Variants in ZBTB17 observed in about 807,000 individuals in gnomAD.
ZBTB17 encodes zinc finger and BTB domain containing 17.
In ZBTB17, 24 loss-of-function variants were observed where a neutral mutation model predicts 85.1. The observed-to-expected ratio is 0.28, with a 90% CI of 0.20 to 0.40. The LOEUF (loss-of-function observed/expected upper bound fraction) is 0.40. Ranked by LOEUF, ZBTB17 falls within the 10% of genes least tolerant of loss-of-function variation. ZBTB17 has a pLI of 1.00. For missense variants in ZBTB17, 743 were observed against 1,105.1 expected (o/e 0.67, Z 4.65); for synonymous variants, 464 against 460.2 (o/e 1.01, Z -0.11).
intron 2 of ZBTB17, among the ~76,000 whole-genome samples, chr1:15,959,499 A>AGAGGGAGGAGAGGGAGGGAGGGAGG (rs2072171199): frequency 8.2e-6 from 1 of 122,412 alleles, no homozygotes; most frequent in African/African-American, 2.9e-5. Context: ...AAGGGAAGGA[A>AGAGGGAGGAGAGGGAGGGAGGGAGG]GAGGGAGGAG....
In ZBTB17 at chr1:15,941,877, T is replaced by TAATCCA; in HGVS notation, c.*86_*91dup. 6.8e-7 allele frequency: 1 copy of TAATCCA among 1,476,706 alleles called. No homozygotes were observed. The highest frequency in any genetic ancestry group is 9.0e-7 in the Non-Finnish European group (1 of 1,106,758). The allele number at this position is 1,476,706 out of a possible 1,614,324, so 91.5% of individuals were successfully genotyped here. Reference sequence around the variant, plus strand: ...GGGACCTATAGGCAGCATTAGAAAATAATCCAATTTATTCTCTCTAGGGAA... The same window carrying TAATCCA: ...GGGACCTATAGGCAGCATTAGAAAATAATCCAAATCCAATTTATTCTCTCTAGGGAA... On this transcript the variant is annotated 3_prime_UTR_variant, in exon 16 of 16. Transcript: ENST00000375743.
intron 2 of ZBTB17, among the ~76,000 whole-genome samples, chr1:15,955,230 T>C (rs1414100361): frequency 6.6e-6 from 1 of 152,112 alleles, no homozygotes; most frequent in African/African-American, 2.4e-5. Flanking sequence ...CTTGTGAGCA[T>C]GAAACCTACC....
chr1:15,948,187 C>T, intron 3 of ZBTB17, 104 bp downstream of exon 3: 1 of 1,385,670 alleles, frequency 7.2e-7, no homozygotes, highest in Non-Finnish European at 1.0e-6. Context: ...AGGCCTGTTG[C>T]ATCCCACAGC....
intron 4 of ZBTB17, among the ~76,000 whole-genome samples, 175 bp from the exon 5 acceptor site, chr1:15,946,469 G>C (rs2071616843): frequency 6.6e-6 from 1 of 152,240 alleles, no homozygotes; most frequent in Admixed American, 6.5e-5. Flanking sequence ...TCCATGCCAG[G>C]CTGATGGCTG....
intron 1 of ZBTB17, among the ~76,000 whole-genome samples, chr1:15,975,624 G>C (rs934483515): frequency 8.0e-5 from 12 of 150,832 alleles, no homozygotes; most frequent in Non-Finnish European, 1.2e-4. Flanking sequence ...GCGCTCCCTC[G>C]CGGCCGCAGA....
Position 15,942,386 on chromosome 1 carries a change from C to G in ZBTB17, c.2073G>C (p.Glu691Asp), listed in dbSNP as rs773427257. ...VPVGAAVTADETEVLKAEISK... is the reference protein window; with the variant it reads ...VPVGAAVTADDTEVLKAEISK... ...TGATCTCGGCCTTCAGGACTTCCGT[C>G]TCATCGGCTGTCACTGCAGCTCCCA... The change falls in exon 15 of 16, where the codon GAG becomes GAC. Residue 691 changes from glutamate (E) to aspartate (D), a missense_variant. By Grantham distance (45) the Glu-to-Asp change is conservative. Coordinates refer to ENST00000375743, the MANE Select transcript of ZBTB17 (RefSeq NM_003443.3). 9.9e-6 allele frequency: 16 copies of G among 1,613,714 alleles called. No individual in the cohort carries two copies. Among genetic ancestry groups the G allele is most frequent in the Admixed American group, 1.7e-5 (1 of 60,012 alleles).
In ZBTB17 at chr1:15,964,267, A is replaced by G. The variant is rs543285659; in HGVS notation, c.-3+8772T>C. ...AGACACTGACTAAATTTAGACTTTG[A>G]TAAGTTATGTAAATTGAAAGCTATA... On this transcript the variant is annotated intron_variant, in intron 2 of 15. Transcript: ENST00000375743. This position sits in a 1 kb window ranked among gnomAD's most constrained non-coding sequence, Gnocchi z 4.3. Among the ~76,000 whole-genome samples, 1 of 152,394 alleles carries G rather than the reference A, an allele frequency of 6.6e-6. No individual in the cohort carries two copies. The highest frequency in any genetic ancestry group is 6.5e-5 in the Admixed American group (1 of 15,310).
intron 2 of ZBTB17, among the ~76,000 whole-genome samples, chr1:15,963,957 G>C (rs2072348970): frequency 6.6e-6 from 1 of 150,828 alleles, no homozygotes; most frequent in South Asian, 2.1e-4. Flanking sequence ...AAAAAAAAAA[G>C]TAAAAAGTAA....
intron 2 of ZBTB17, among the ~76,000 whole-genome samples, chr1:15,962,067 T>C (rs533674275): frequency 7.9e-5 from 12 of 151,928 alleles, no homozygotes; most frequent in African/African-American, 2.7e-4. Flanking sequence ...TTTAGCCGGG[T>C]GTGGTGGCAG....
intron 2 of ZBTB17, among the ~76,000 whole-genome samples, chr1:15,956,688 TAGAG>T (rs1449110476): frequency 3.3e-5 from 5 of 152,090 alleles, no homozygotes; most frequent in South Asian, 2.1e-4. Context: ...AACAGATACA[TAGAG>T]AGAGAGGACT....
intron 9 of ZBTB17, 169 bp from the exon 10 acceptor site, chr1:15,944,064 G>C (rs2071477439): frequency 1.0e-6 from 1 of 962,874 alleles, no homozygotes; most frequent in South Asian, 1.4e-5. Flanking sequence ...TGAGAGGTAA[G>C]CCGCCCCACC....
intron 4 of ZBTB17, among the ~76,000 whole-genome samples, chr1:15,946,572 G>A (rs1377448923): frequency 6.6e-6 from 1 of 152,226 alleles, no homozygotes; most frequent in African/African-American, 2.4e-5. Flanking sequence ...GTCAGCACTA[G>A]GAAAGGGAGG....
intron 2 of ZBTB17, among the ~76,000 whole-genome samples, chr1:15,967,609 T>C (rs2072491995): frequency 6.6e-6 from 1 of 152,192 alleles, no homozygotes; most frequent in Non-Finnish European, 1.5e-5. Context: ...ACCTTGTGCA[T>C]GCATTCCCAT....
At chr1:15,969,329 TAATAGA>T (rs1444293250) in intron 2 of ZBTB17, among the ~76,000 whole-genome samples, 1 of 152,172 alleles carries the variant, frequency 6.6e-6, no homozygotes, top group East Asian at 1.9e-4. Flanking sequence ...AATGTAATAG[TAATAGA>T]AATAAAGTAC....
chr1:15,971,491 CTA>C (rs59647978), intron 2 of ZBTB17, among the ~76,000 whole-genome samples: 1,913 of 33,442 alleles, frequency 0.057, 89 homozygotes, highest in Middle Eastern at 0.11. Context: ...TATACACACA[CTA>C]TATATATATA....
At chr1:15,965,506 G>C (rs1216465537) in intron 2 of ZBTB17, among the ~76,000 whole-genome samples, 1 of 152,300 alleles carries the variant, frequency 6.6e-6, no homozygotes, top group Non-Finnish European at 1.5e-5. Context: ...GGTAAACTGG[G>C]GAAACAGTTT....
At position 15,953,922 on chromosome 1, in the gene ZBTB17, A is replaced by C. The variant is rs1409755929; in HGVS notation, c.-2-5425T>G. 2.0e-5 allele frequency among the ~76,000 whole-genome samples: 3 copies of C among 152,160 alleles called. No homozygotes were observed. The South Asian group carries it at 6.2e-4, about 32-fold the overall frequency. The stretch of plus-strand genomic sequence containing the variant: ...AAGCAGAGATGCAGATGATAGTTTC[A>C]TTTTTTTAGGCCAAAGTCTTTATCA... On this transcript the variant is annotated intron_variant, in intron 2 of 15. Transcript: ENST00000375743. The surrounding 1 kb of genome is among the most constrained non-coding windows in gnomAD (Gnocchi z 5.1).
chr1:15,975,062 T>C (rs948525093), intron 1 of ZBTB17, among the ~76,000 whole-genome samples: 1 of 152,348 alleles, frequency 6.6e-6, no homozygotes, highest in South Asian at 2.1e-4. Flanking sequence ...GATGTGTCTC[T>C]ACTCCGTGCT....
chr1:15,951,029 A>G lies in ZBTB17; in HGVS notation c.-2-2532T>C, dbSNP rs1407377484. On this transcript the variant is annotated intron_variant, in intron 2 of 15. Transcript: ENST00000375743. This position sits in a 1 kb window ranked among gnomAD's most constrained non-coding sequence, Gnocchi z 4.1. ...CCAAGGACAGGGTGGGTGGTGGCCC[A>G]GCCCCCCACATACCACCACCCGCCA... is the stretch of plus-strand genomic sequence containing the variant. 1.3e-5 allele frequency among the ~76,000 whole-genome samples: 2 copies of G among 152,160 alleles called. No individual in the cohort carries two copies. The highest frequency in any genetic ancestry group is 2.9e-5 in the Non-Finnish European group (2 of 68,004).
Sources: allele counts gnomAD v4.1 joint callset (sites outside exome capture counted in the v4.1 genomes callset), GRCh38; gene constraint gnomAD v4.1.1; non-coding constraint Gnocchi (gnomAD v3.1); transcripts MANE v1.5; gene names NCBI Gene and HGNC (gene_info 2026-07-23, HGNC 2026-07-21).